LPAR1: variants seen among roughly 807,000 people sequenced by gnomAD.
LPAR1 encodes the protein lysophosphatidic acid receptor 1, also known as LPA receptor 1.
In LPAR1, 5 loss-of-function variants were observed where a neutral mutation model predicts 23.8. That is an observed-to-expected ratio of 0.21 (90% confidence interval 0.11 to 0.44). LPAR1 has a LOEUF of 0.44. Ranked by LOEUF, LPAR1 falls within the 20% of genes least tolerant of loss-of-function variation. LPAR1 has a pLI of 0.99. For missense variants in LPAR1, 311 were observed against 482.8 expected, an observed-to-expected ratio of 0.64 and a Z score of 3.33; for synonymous variants, 160 against 164.7, an observed-to-expected ratio of 0.97 and a Z score of 0.22.
At chr9:110,922,200 G>A (rs2093676215) in intron 5 of LPAR1, among the ~76,000 whole-genome samples, 1 of 152,116 alleles carries the variant, frequency 6.6e-6, no homozygotes, top group African/African-American at 2.4e-5. Flanking sequence ...GGAACCTTGG[G>A]GTGCCACAGT....
chr9:110,909,552 T>C (rs1429190309), intron 5 of LPAR1, among the ~76,000 whole-genome samples: 1 of 152,134 alleles, frequency 6.6e-6, no homozygotes, highest in Non-Finnish European at 1.5e-5. Context: ...ATTGAAGGTT[T>C]GTGGCAGCCC....
chr9:110,967,859 T>G (rs1412708279), intron 4 of LPAR1, among the ~76,000 whole-genome samples: 1 of 152,156 alleles, frequency 6.6e-6, no homozygotes, highest in Admixed American at 6.5e-5. Context: ...GGCCAAAGGA[T>G]CCTGGGAACC....
chr9:110,898,972 T>C (rs62573182), intron 5 of LPAR1, among the ~76,000 whole-genome samples: 18,055 of 152,242 alleles, frequency 0.12, 1,137 homozygotes, highest in South Asian at 0.13. Context: ...CAGATTTTGA[T>C]AAATACCAAA....
chr9:110,923,442 T>C (rs1041600379), intron 5 of LPAR1, among the ~76,000 whole-genome samples: 3 of 152,202 alleles, frequency 2.0e-5, no homozygotes, highest in African/African-American at 7.2e-5. Context: ...ATCGATGAGA[T>C]ATTCAACACT....
intron 4 of LPAR1, among the ~76,000 whole-genome samples, chr9:110,963,982 A>T (rs2096099567): frequency 6.6e-6 from 1 of 152,262 alleles, no homozygotes; most frequent in Non-Finnish European, 1.5e-5. Context: ...GTGGCACTGG[A>T]AACATACTTC....
intron 5 of LPAR1, among the ~76,000 whole-genome samples, chr9:110,880,380 C>A (rs2080418154): frequency 6.6e-6 from 1 of 152,178 alleles, no homozygotes; most frequent in Non-Finnish European, 1.5e-5. Context: ...ACCTCATCAG[C>A]TGAATAATGC....
intron 2 of LPAR1, among the ~76,000 whole-genome samples, chr9:110,985,122 T>C (rs2096753952): frequency 6.6e-6 from 1 of 152,064 alleles, no homozygotes; most frequent in Non-Finnish European, 1.5e-5. Flanking sequence ...TATGGGTTCA[T>C]TTGCTTCACA....
intron 2 of LPAR1, among the ~76,000 whole-genome samples, chr9:110,981,992 G>A (rs2096677267): frequency 6.6e-6 from 1 of 152,174 alleles, no homozygotes; most frequent in Non-Finnish European, 1.5e-5. Context: ...TGGAGAGGAT[G>A]TGGGGAAAAT....
At chr9:110,895,466 G>A (rs560881818) in intron 5 of LPAR1, among the ~76,000 whole-genome samples, 74 of 152,368 alleles carry the variant, frequency 4.9e-4, no homozygotes, top group Admixed American at 1.6e-3. Context: ...CTAAGGCAGA[G>A]GCCAGATCTT....
At chr9:110,997,692 C>A (rs143039324) in intron 2 of LPAR1, among the ~76,000 whole-genome samples, 234 of 152,232 alleles carry the variant, frequency 1.5e-3, no homozygotes, top group African/African-American at 5.4e-3. Context: ...TGATTACATG[C>A]CATTATCTTA....
intron 5 of LPAR1, among the ~76,000 whole-genome samples, chr9:110,880,149 T>C (rs971763682): frequency 3.3e-5 from 5 of 152,182 alleles, no homozygotes; most frequent in Admixed American, 2.0e-4. Context: ...GGGTGGAGGA[T>C]ATTCAAAACA....
At chr9:110,944,804 A>G (rs1304713353) in intron 4 of LPAR1, among the ~76,000 whole-genome samples, 2 of 152,156 alleles carry the variant, frequency 1.3e-5, no homozygotes, top group Non-Finnish European at 2.9e-5. Flanking sequence ...TACCATAAAA[A>G]CCATACATAT....
intron 5 of LPAR1, among the ~76,000 whole-genome samples, chr9:110,878,500 C>A (rs936915315): frequency 2.0e-5 from 3 of 152,194 alleles, no homozygotes; most frequent in African/African-American, 7.2e-5. Flanking sequence ...TAGTAAGGAG[C>A]TAACCATAAT....
At chr9:110,967,668 T>C (rs1237338499) in intron 4 of LPAR1, among the ~76,000 whole-genome samples, 1 of 152,238 alleles carries the variant, frequency 6.6e-6, no homozygotes, top group African/African-American at 2.4e-5. Flanking sequence ...CTGCTTATTA[T>C]GCTTGCCTAA....
intron 4 of LPAR1, 76 bp from the exon 5 acceptor site, chr9:110,942,244 A>T (rs539927641): frequency 2.1e-5 from 27 of 1,264,032 alleles, no homozygotes; most frequent in Non-Finnish European, 2.9e-5. Context: ...ATAACACAAG[A>T]CTTTTATAGT....
chr9:110,890,520 G>A (rs1247049234), intron 5 of LPAR1, among the ~76,000 whole-genome samples: 3 of 152,072 alleles, frequency 2.0e-5, no homozygotes, highest in Non-Finnish European at 4.4e-5. Context: ...TTTCTCAGTG[G>A]GATTGGAATT....
chr9:110,952,537 C>T (rs2095601810), intron 4 of LPAR1, among the ~76,000 whole-genome samples: 1 of 152,198 alleles, frequency 6.6e-6, no homozygotes, highest in South Asian at 2.1e-4. Context: ...CTTACATCTA[C>T]CACCACAGCT....
chr9:110,898,863 C>A (rs1239474129), intron 5 of LPAR1, among the ~76,000 whole-genome samples: 1 of 152,172 alleles, frequency 6.6e-6, no homozygotes, highest in Non-Finnish European at 1.5e-5. Context: ...TAATGTGTGT[C>A]ACCTTAACTC....
At chr9:110,909,121 AT>A (rs1328182412) in intron 5 of LPAR1, among the ~76,000 whole-genome samples, 1 of 151,894 alleles carries the variant, frequency 6.6e-6, no homozygotes, top group African/African-American at 2.4e-5. Flanking sequence ...CATTGTGACT[AT>A]TTTTTTCCCT....
Sources: allele counts gnomAD v4.1 joint callset (sites outside exome capture counted in the v4.1 genomes callset), GRCh38; gene constraint gnomAD v4.1.1; transcripts MANE v1.5; gene names NCBI Gene and HGNC (gene_info 2026-07-23, HGNC 2026-07-21).